Variants in CNKSR2 observed in about 807,000 individuals in gnomAD.
CNKSR2 encodes the protein connector enhancer of kinase suppressor of Ras 2.
A neutral mutation model predicts 84.4 loss-of-function variants in CNKSR2; 14 were observed. The observed-to-expected ratio is 0.17, with a 90% CI of 0.11 to 0.26. CNKSR2 has a LOEUF of 0.26. CNKSR2 is among the 10% of genes least tolerant of loss of function. The probability of loss-of-function intolerance (pLI) is 1.00; values close to 1 mark genes in which losing one functional copy is unlikely to be tolerated. For synonymous variants in CNKSR2, 275 were observed against 277.9 expected (o/e 0.99, Z 0.10); for missense variants, 485 against 771.2 (o/e 0.63, Z 4.40).
intron 4 of CNKSR2, among the ~76,000 whole-genome samples, chrX:21,446,093 A>G (rs768909846): frequency 3.6e-5 from 4 of 111,663 alleles, no homozygotes; most frequent in Admixed American, 2.9e-4. Flanking sequence ...TTAAACAAAT[A>G]ATACTTTTAA....
At chrX:21,474,974 T>G (rs1415619277) in intron 5 of CNKSR2, among the ~76,000 whole-genome samples, 1 of 112,221 alleles carries the variant, frequency 8.9e-6, no homozygotes, top group African/African-American at 3.2e-5. Context: ...TGTGTTTGTA[T>G]AATGGTTAAA....
intron 20 of CNKSR2, among the ~76,000 whole-genome samples, chrX:21,631,927 T>A (rs2092649820): frequency 1.8e-5 from 2 of 111,917 alleles, no homozygotes; most frequent in Non-Finnish European, 3.8e-5. Context: ...GAGTAAAAGT[T>A]TTTCAGTGAT....
Position 21,513,525 on chromosome X carries a change from A to G in CNKSR2, c.811-2960A>G, listed in dbSNP as rs372756452. ...ACAAGTCAGCCAATTTCTTTTTTGGATATCTTTTTCTATTAGAATATTTTT... is the reference window on the plus strand; with the variant it reads ...ACAAGTCAGCCAATTTCTTTTTTGGGTATCTTTTTCTATTAGAATATTTTT... On this transcript the variant is annotated intron_variant, in intron 8 of 21. Coordinates refer to ENST00000379510, the MANE Select transcript of CNKSR2 (RefSeq NM_014927.5). Among the ~76,000 whole-genome samples, 12 of 111,488 alleles carry G rather than the reference A, an allele frequency of 1.1e-4. 1 individual carries two copies. In the East Asian group the frequency reaches 2.0e-3, roughly 18 times the overall value.
chrX:21,418,314 G>T (rs1373201257), intron 1 of CNKSR2, among the ~76,000 whole-genome samples: 3 of 111,417 alleles, frequency 2.7e-5, no homozygotes, highest in African/African-American at 9.8e-5. Context: ...TAGGATAAAA[G>T]GAATTTACAC....
chrX:21,609,767 C>G, intron 20 of CNKSR2, 150 bp downstream of exon 20: 2 of 713,746 alleles, frequency 2.8e-6, no homozygotes, highest in Non-Finnish European at 3.9e-6. Context: ...TGGTGACCTA[C>G]TTTCAGAACT....
At chrX:21,482,211 G>T (rs1311982293) in intron 5 of CNKSR2, among the ~76,000 whole-genome samples, 3 of 112,174 alleles carry the variant, frequency 2.7e-5, no homozygotes, top group African/African-American at 9.7e-5. Context: ...ATTCTTTTGA[G>T]AATTTAAATA....
intron 15 of CNKSR2, chrX:21,594,023 G>C (rs2092436727): frequency 9.0e-6 from 1 of 111,707 alleles, no homozygotes; most frequent in Non-Finnish European, 1.9e-5. Context: ...ACATGCACGT[G>C]AATGTTCATT....
At chrX:21,549,750 TCAGAAATAAGGCCA>T (rs1260661244) in intron 11 of CNKSR2, among the ~76,000 whole-genome samples, 1 of 111,486 alleles carries the variant, frequency 9.0e-6, no homozygotes, top group Non-Finnish European at 1.9e-5. Flanking sequence ...GAGGGAGGCC[TCAGAAATAAGGCCA>T]CACATCTACA....
At chrX:21,550,907 G>A (rs1285355666) in intron 11 of CNKSR2, among the ~76,000 whole-genome samples, 1 of 109,603 alleles carries the variant, frequency 9.1e-6, no homozygotes, top group Non-Finnish European at 1.9e-5. Context: ...GTGGCAGGAT[G>A]TGCCTGTAAT....
intron 4 of CNKSR2, among the ~76,000 whole-genome samples, chrX:21,446,901 T>C (rs181768329): frequency 9.0e-6 from 1 of 111,665 alleles, no homozygotes; most frequent in East Asian, 2.8e-4. Context: ...TGAAGAATAA[T>C]AATAAATACT....
At chrX:21,534,870 A>G (rs762363161) in intron 11 of CNKSR2, among the ~76,000 whole-genome samples, 1 of 110,923 alleles carries the variant, frequency 9.0e-6, no homozygotes, top group Non-Finnish European at 1.9e-5. Context: ...TTTGCTCTAC[A>G]TAAGACTTTT....
chrX:21,501,658 C>CAATGA, intron 8 of CNKSR2, 70 bp downstream of exon 8: 1 of 518,533 alleles, frequency 1.9e-6, no homozygotes, highest in East Asian at 3.9e-5. Flanking sequence ...AAAAGAATGC[C>CAATGA]AATGAAATGA....
At chrX:21,571,651 C>T (rs747127406) in intron 13 of CNKSR2, among the ~76,000 whole-genome samples, 24 of 111,984 alleles carry the variant, frequency 2.1e-4, no homozygotes, top group Non-Finnish European at 3.6e-4. Context: ...AGCATCCTGA[C>T]TCCAAAATTC....
At chrX:21,430,248 C>T (rs1204996585) in intron 2 of CNKSR2, among the ~76,000 whole-genome samples, 1 of 110,987 alleles carries the variant, frequency 9.0e-6, no homozygotes, top group Non-Finnish European at 1.9e-5. Flanking sequence ...CAGGTTTTGT[C>T]CGGATGATTA....
chrX:21,487,486 A>G (rs1350519367), intron 5 of CNKSR2, among the ~76,000 whole-genome samples: 1 of 111,808 alleles, frequency 8.9e-6, no homozygotes. Context: ...CTTTTGAAAT[A>G]TGCTTCAATT....
rs375737212 is a variant in CNKSR2 at position 21,490,569 on chromosome X, C to T, written c.672C>T (p.Ser224=). The change falls in exon 6 of 22, where the codon AGC becomes AGT. Residue 224 remains serine, a synonymous_variant. Coordinates refer to ENST00000379510, the MANE Select transcript of CNKSR2 (RefSeq NM_014927.5). ...TTCAACTGGCAAACATTAAACCAAG[C>T]GAAGGGCTGGTAAGAGATACCATGT... ...EVIQLANIKP[S]EGLGMYIKST... 1.3e-4 allele frequency: 152 copies of T among 1,205,029 alleles called. No homozygotes were observed. The highest frequency in any genetic ancestry group is 1.7e-4 in the Non-Finnish European group (150 of 892,470).
chrX:21,478,559 G>T (rs1418138484), intron 5 of CNKSR2, among the ~76,000 whole-genome samples: 1 of 112,022 alleles, frequency 8.9e-6, no homozygotes, highest in East Asian at 2.8e-4. Flanking sequence ...ATTGCAAGAT[G>T]CTTCCATATT....
At position 21,437,462 on chromosome X, in the gene CNKSR2, C is replaced by CAGCCTAGA. The variant is rs1469035748; in HGVS notation, c.432-3231_432-3224dup. On this transcript the variant is annotated intron_variant, in intron 3 of 21. Transcript: ENST00000379510. ...TTTGAGACAGTCTCACTCTGTCGCCCAGCCTAGAGTGCAGTGGCGTGATCT... is the reference window on the plus strand; with the variant it reads ...TTTGAGACAGTCTCACTCTGTCGCCCAGCCTAGAAGCCTAGAGTGCAGTGGCGTGATCT... Among the ~76,000 whole-genome samples, 7 of 101,255 alleles carry CAGCCTAGA rather than the reference C, an allele frequency of 6.9e-5. No homozygotes were observed. In the South Asian group the frequency reaches 3.6e-3, roughly 51 times the overall value. The allele number at this position is 101,255 out of a possible 115,157, so 87.9% of individuals were successfully genotyped here. A position where few individuals can be genotyped will look rare whatever the true frequency, so the allele number is the denominator to read the frequency against.
intron 1 of CNKSR2, among the ~76,000 whole-genome samples, chrX:21,394,289 G>C (rs748400209): frequency 9.8e-4 from 109 of 111,277 alleles, no homozygotes; most frequent in Non-Finnish European, 1.8e-3. Context: ...ACTAGATATA[G>C]CTCACATGTG....
Sources: allele counts gnomAD v4.1 joint callset (sites outside exome capture counted in the v4.1 genomes callset), GRCh38; gene constraint gnomAD v4.1.1; transcripts MANE v1.5; gene names NCBI Gene and HGNC (gene_info 2026-07-23, HGNC 2026-07-21).